FNDC3B: variants seen among roughly 807,000 people sequenced by gnomAD.
The protein encoded by FNDC3B is fibronectin type III domain containing 3B, also known as fibronectin type III domain-containing protein 3B.
In FNDC3B, 12 loss-of-function variants were observed where a neutral mutation model predicts 151.5. That is an observed-to-expected ratio of 0.08 (90% CI 0.05 to 0.13). The LOEUF is 0.13. FNDC3B is among the 10% of genes least tolerant of loss of function. The pLI, the probability that FNDC3B is intolerant of heterozygous loss-of-function variation, is 1.00. For synonymous variants in FNDC3B, 528 were observed against 549.0 expected (o/e 0.96, Z 0.54); for missense variants, 1,214 against 1,505.3 (o/e 0.81, Z 3.20).
Position 172,104,431 on chromosome 3 carries a change from A to T in FNDC3B, c.-28-8021A>T, listed in dbSNP as rs111510084. 7.2e-3 allele frequency among the ~76,000 whole-genome samples: 989 copies of T among 138,234 alleles called. 7 individuals carry two copies. Among genetic ancestry groups the T allele is most frequent in the African/African-American group, 0.025 (932 of 37,306 alleles). The allele number at this position is 138,234 out of a possible 152,430, so 90.7% of individuals were successfully genotyped here. A position where few individuals can be genotyped will look rare whatever the true frequency, so the allele number is the denominator to read the frequency against. On this transcript the variant is annotated intron_variant, in intron 1 of 25. Coordinates refer to ENST00000415807, the MANE Select transcript of FNDC3B (RefSeq NM_022763.4). ...TTTTTTTTTTTCCAAAGTTTTTTTT[A>T]GCATAGGGGATGTGAAAAATTCTAA... is the stretch of plus-strand genomic sequence containing the variant.
At chr3:172,159,086 T>G (rs1722643684) in intron 3 of FNDC3B, among the ~76,000 whole-genome samples, 1 of 152,120 alleles carries the variant, frequency 6.6e-6, no homozygotes, top group African/African-American at 2.4e-5. Context: ...CGAGACCAGC[T>G]TGAACAACAT....
chr3:172,143,908 AAAATAAATAAATAAAT>A (rs60080346), intron 3 of FNDC3B, among the ~76,000 whole-genome samples: 86 of 142,040 alleles, frequency 6.1e-4, no homozygotes, highest in African/African-American at 1.1e-3. Context: ...CCTCCATCTC[AAAATAAATAAATAAAT>A]AAATAAATAA....
At position 172,352,827 on chromosome 3, in the gene FNDC3B, C is replaced by T; in HGVS notation, c.2539C>T (p.Pro847Ser). The T allele has an allele frequency of 6.2e-7, 1 of 1,613,996 alleles. No individual in the cohort carries two copies. Among genetic ancestry groups the T allele is most frequent in the Non-Finnish European group, 8.5e-7 (1 of 1,180,002 alleles). Reference protein sequence around the residue: ...LQAFNQAGAGPYSELVLCQTP... With the variant: ...LQAFNQAGAGSYSELVLCQTP... ...GGCCTTCAATCAAGCAGGGGCAGGG[C>T]CGTACAGTGAACTTGTCCTTTGCCA... Residue 847 changes from proline to serine, a missense_variant, in exon 22 of 26, where the codon CCG becomes TCG. Pro to Ser is a moderately conservative substitution (Grantham distance 74). Around this residue, in one of 7 missense-constraint regions of FNDC3B, gnomAD observed 380 missense variants for 420.9 expected, o/e 0.90. Coordinates refer to ENST00000415807, the MANE Select transcript of FNDC3B (RefSeq NM_022763.4). This position sits in a 1 kb window ranked among gnomAD's most constrained non-coding sequence, Gnocchi z 4.2.
intron 1 of FNDC3B, among the ~76,000 whole-genome samples, chr3:172,084,921 C>T (rs967434510): frequency 1.4e-4 from 21 of 152,114 alleles, no homozygotes; most frequent in African/African-American, 4.3e-4. Flanking sequence ...TTAATGAGAA[C>T]AAGAATTTTT....
intron 18 of FNDC3B, among the ~76,000 whole-genome samples, chr3:172,343,461 T>C (rs1733443831): frequency 6.6e-6 from 1 of 152,196 alleles, no homozygotes; most frequent in Non-Finnish European, 1.5e-5. Context: ...AATTTTGTGC[T>C]CCATTTAGAA....
At chr3:172,048,745 A>G (rs1362183912) in intron 1 of FNDC3B, among the ~76,000 whole-genome samples, 2 of 152,194 alleles carry the variant, frequency 1.3e-5, no homozygotes, top group Non-Finnish European at 2.9e-5. Context: ...TATATATTGG[A>G]ATATTTTGGT....
At chr3:172,117,576 G>C (rs1056911089) in intron 2 of FNDC3B, among the ~76,000 whole-genome samples, 4 of 152,146 alleles carry the variant, frequency 2.6e-5, no homozygotes, top group African/African-American at 9.7e-5. Context: ...GTCGACATAG[G>C]GTGGCAGAGT....
At chr3:172,095,273 T>C (rs1334164955) in intron 1 of FNDC3B, among the ~76,000 whole-genome samples, 3 of 152,314 alleles carry the variant, frequency 2.0e-5, no homozygotes, top group Admixed American at 2.0e-4. Flanking sequence ...CTACTAGGGA[T>C]GTTTAGATAC....
intron 6 of FNDC3B, among the ~76,000 whole-genome samples, chr3:172,282,657 A>G (rs1729798159): frequency 6.6e-6 from 1 of 152,160 alleles, no homozygotes; most frequent in Non-Finnish European, 1.5e-5. Flanking sequence ...TTCCCATAGG[A>G]CTGAGCAGAT....
At chr3:172,117,186 C>T (rs1720300744) in intron 2 of FNDC3B, among the ~76,000 whole-genome samples, 1 of 152,192 alleles carries the variant, frequency 6.6e-6, no homozygotes, top group Non-Finnish European at 1.5e-5. Flanking sequence ...ATTTCTCCCA[C>T]CTCTGAATAA....
At chr3:172,328,905 G>GT (rs201161345) in intron 11 of FNDC3B, 47 bp from the exon 12 acceptor site, 193,447 of 1,003,020 alleles carry the variant, frequency 0.19, 1,080 homozygotes, top group East Asian at 0.25. Flanking sequence ...GTTATCTGTT[G>GT]TTTTTTTTTT....
At chr3:172,314,711 C>A (rs1198178911) in intron 11 of FNDC3B, among the ~76,000 whole-genome samples, 1 of 152,224 alleles carries the variant, frequency 6.6e-6, no homozygotes, top group African/African-American at 2.4e-5. Context: ...AAAAGAGCAG[C>A]AGCCTTTATT....
intron 11 of FNDC3B, among the ~76,000 whole-genome samples, chr3:172,323,136 A>G (rs1314763724): frequency 6.6e-6 from 1 of 152,186 alleles, no homozygotes; most frequent in Admixed American, 6.5e-5. Context: ...ATATTCAAGT[A>G]GGTAGTAAGG....
Position 172,219,769 on chromosome 3 carries a change from G to T in FNDC3B, c.188-7102G>T, listed in dbSNP as rs76785063. Among the ~76,000 whole-genome samples, 7 of 152,332 alleles carry T rather than the reference G, an allele frequency of 4.6e-5. No individual in the cohort carries two copies. In the East Asian group the frequency reaches 1.3e-3, roughly 29 times the overall value. ...ATCCTAATGCTTTCAAGCTTTATCA[G>T]CATTGTAGCTTGTATTAGTGCTTCA... On this transcript the variant is annotated intron_variant, in intron 3 of 25. Transcript: ENST00000415807.
At chr3:172,183,644 A>G (rs888752396) in intron 3 of FNDC3B, among the ~76,000 whole-genome samples, 3 of 152,240 alleles carry the variant, frequency 2.0e-5, no homozygotes, top group Non-Finnish European at 4.4e-5. Flanking sequence ...CTAATCTTAC[A>G]TAGCAGTTTA....
At chr3:172,104,604 A>T (rs1719547706) in intron 1 of FNDC3B, among the ~76,000 whole-genome samples, 2 of 152,122 alleles carry the variant, frequency 1.3e-5, no homozygotes. Flanking sequence ...CTCCTGTCCA[A>T]TGGCAGTGTC....
rs994688374 is a variant in FNDC3B, at chr3:172,352,460, G to A, written c.2515-343G>A. ...CTCTGAGTTCCTGTCTCTAAAAGGCGGATAAGAATACCTACCATTTAAGAT... is the reference window on the plus strand; with the variant it reads ...CTCTGAGTTCCTGTCTCTAAAAGGCAGATAAGAATACCTACCATTTAAGAT... On this transcript the variant is annotated intron_variant, in intron 21 of 25. Coordinates refer to ENST00000415807, the MANE Select transcript of FNDC3B (RefSeq NM_022763.4). The surrounding 1 kb of genome is among the most constrained non-coding windows in gnomAD (Gnocchi z 4.2). 2.6e-5 allele frequency among the ~76,000 whole-genome samples: 4 copies of A among 151,862 alleles called. No homozygotes were observed. The highest frequency in any genetic ancestry group is 6.6e-5 in the Admixed American group (1 of 15,250).
intron 3 of FNDC3B, among the ~76,000 whole-genome samples, chr3:172,147,628 C>T (rs1293497151): frequency 1.3e-5 from 2 of 152,052 alleles, no homozygotes; most frequent in African/African-American, 4.8e-5. Flanking sequence ...ACCTGGAGGG[C>T]CTGTTAAAAC....
At chr3:172,362,522 T>C in intron 22 of FNDC3B, 111 bp from the exon 23 acceptor site, 1 of 831,102 alleles carries the variant, frequency 1.2e-6, no homozygotes, top group Admixed American at 2.3e-5. Context: ...CTTCATTCTA[T>C]GTTATTGCTT....
Sources: allele counts gnomAD v4.1 joint callset (sites outside exome capture counted in the v4.1 genomes callset), GRCh38; gene constraint gnomAD v4.1.1; regional missense constraint gnomAD v4.1.1; non-coding constraint Gnocchi (gnomAD v3.1); transcripts MANE v1.5; gene names NCBI Gene and HGNC (gene_info 2026-07-23, HGNC 2026-07-21).